Variants in DPP3 observed in about 807,000 individuals in gnomAD.
DPP3 encodes DPP III.
In DPP3, 64 loss-of-function variants were observed where a neutral mutation model predicts 89.8. The ratio of observed to expected loss-of-function variants is 0.71; its 90% CI spans 0.58 to 0.88. The LOEUF is 0.88. DPP3 is among the 40% of genes least tolerant of loss of function. The probability of loss-of-function intolerance (pLI) is 0.00; values close to 1 mark genes in which losing one functional copy is unlikely to be tolerated. For synonymous variants in DPP3, 377 were observed against 404.3 expected, an observed-to-expected ratio of 0.93 and a Z score of 0.81; for missense variants, 835 against 972.5, an observed-to-expected ratio of 0.86 and a Z score of 1.88.
chr11:66,505,936 GTTTTGT>G (rs375980035), intron 17 of DPP3, among the ~76,000 whole-genome samples: 32 of 151,846 alleles, frequency 2.1e-4, no homozygotes, highest in East Asian at 7.7e-4. Context: ...TTTTGGGTTG[GTTTTGT>G]TTTTGTTTTT....
Position 66,492,804 on chromosome 11 carries a change from GCCC to G in DPP3, c.1080_1082del (p.Pro361del). 2 of 1,614,020 alleles carry G rather than the reference GCCC, an allele frequency of 1.2e-6. No individual in the cohort carries two copies. Among genetic ancestry groups the G allele is most frequent in the Non-Finnish European group, 1.7e-6 (2 of 1,179,980 alleles). Reference sequence around the variant, plus strand: ...AGCAGCTGCTGAAGGAGCTGCCCTGGCCCCCAACCTTTGAGAAGGACAAGTTCC... The same window carrying G: ...AGCAGCTGCTGAAGGAGCTGCCCTGGCCAACCTTTGAGAAGGACAAGTTCC... On this transcript the variant is annotated inframe_deletion, in exon 10 of 18. Coordinates refer to ENST00000531863, the MANE Select transcript of DPP3 (RefSeq NM_130443.4).
rs770251614 is a variant in DPP3 at position 66,492,962 on chromosome 11, G to A, written c.1183+52G>A. 5.0e-6 allele frequency: 8 copies of A among 1,596,300 alleles called. No individual in the cohort carries two copies. The South Asian group carries it at 5.6e-5, about 11-fold the overall frequency. On this transcript the variant is annotated intron_variant, in intron 10 of 17. Transcript: ENST00000531863. ...GCCCCAGAAACCTTCCTTTAGAGTC[G>A]CCCCTCCCTGTCCACACACACACCC...
At chr11:66,498,639 G>A (rs762054478) in intron 16 of DPP3, among the ~76,000 whole-genome samples, 4 of 152,212 alleles carry the variant, frequency 2.6e-5, no homozygotes, top group Non-Finnish European at 5.9e-5. Flanking sequence ...AAAAGAAACA[G>A]CCCCAGAGAG....
At position 66,509,345 on chromosome 11, in the gene DPP3, G is replaced by T; in HGVS notation, c.*94G>T. The T allele has an allele frequency of 6.5e-7, 1 of 1,546,946 alleles. No individual in the cohort carries two copies. Among genetic ancestry groups the T allele is most frequent in the Non-Finnish European group, 8.7e-7 (1 of 1,146,988 alleles). ...TATTTAGGGGCTGGGGAGGGGGAGGGGCAGGAGCTTGGACCTTGGTACTAC... is the reference window on the plus strand; with the variant it reads ...TATTTAGGGGCTGGGGAGGGGGAGGTGCAGGAGCTTGGACCTTGGTACTAC... On this transcript the variant is annotated 3_prime_UTR_variant, in exon 18 of 18. Coordinates refer to ENST00000531863, the MANE Select transcript of DPP3 (RefSeq NM_130443.4).
chr11:66,491,497 T>C lies in DPP3; in HGVS notation c.802T>C (p.Tyr268His). The change falls in exon 8 of 18, where the codon TAT (tyrosine) becomes CAT (histidine). Residue 268 changes from tyrosine (Y) to histidine (H), a missense_variant. Transcript: ENST00000531863. The stretch of plus-strand genomic sequence containing the variant: ...GACCGACCCCCGCTCACCTCAGGCC[T>C]ATGCAGCCAACAGCCACCAGGGGCA... ...VVEQLEKAKA[Y>H]AANSHQGQML... 1 of 1,607,744 alleles carries C rather than the reference T, an allele frequency of 6.2e-7. No individual in the cohort carries two copies. The highest frequency in any genetic ancestry group is 8.5e-7 in the Non-Finnish European group (1 of 1,176,324).
At chr11:66,507,810 T>G (rs552886915) in intron 17 of DPP3, among the ~76,000 whole-genome samples, 1 of 151,578 alleles carries the variant, frequency 6.6e-6, no homozygotes, top group African/African-American at 2.4e-5. Context: ...CCCAAAAAGC[T>G]GGGATTAGAG....
At chr11:66,492,523 T>G (rs1590738164) in intron 9 of DPP3, 193 bp from the exon 10 acceptor site, 2 of 580,588 alleles carry the variant, frequency 3.4e-6, no homozygotes, top group South Asian at 2.9e-5. Flanking sequence ...GAGAGACGGG[T>G]TTGTGCAGCT....
chr11:66,488,045 G>A lies in DPP3; in HGVS notation c.667+38G>A, dbSNP rs775997308. The A allele has an allele frequency of 1.3e-5, 21 of 1,589,620 alleles. No individual in the cohort carries two copies. In the Middle Eastern group the frequency reaches 5.0e-4, roughly 38 times the overall value. ...CCAGGCTTCCCTTCTGCTCCCTCCT[G>A]GGCATTTCCGGACCTGGGTGGCTCA... On this transcript the variant is annotated intron_variant, in intron 6 of 17. Coordinates refer to ENST00000531863, the MANE Select transcript of DPP3 (RefSeq NM_130443.4).
rs202225573 is a variant in DPP3 at position 66,504,683 on chromosome 11, G to A, written c.1950G>A (p.Ala650=). ...AGGGGTATGCAACAGTCACTGATGC[G>A]CCCCCCGAGTGCTTCCTCACCCTCA... ...LYEGYATVTD[A]PPECFLTLRD... is the part of the protein sequence containing the mutation. The change falls in exon 17 of 18, where the codon GCG becomes GCA. Residue 650 remains alanine, a synonymous_variant. Coordinates refer to ENST00000531863, the MANE Select transcript of DPP3 (RefSeq NM_130443.4). 7.1e-5 allele frequency: 114 copies of A among 1,612,852 alleles called. No individual in the cohort carries two copies. The highest frequency in any genetic ancestry group is 8.6e-5 in the Non-Finnish European group (102 of 1,179,712).
chr11:66,497,385 G>T lies in DPP3; in HGVS notation c.1786G>T (p.Asp596Tyr), dbSNP rs202011847. The change falls in exon 16 of 18, where the codon GAT (aspartate) becomes TAT (tyrosine). Residue 596 changes from aspartate to tyrosine, a missense_variant. By Grantham distance (160) the Asp-to-Tyr change is radical. Coordinates refer to ENST00000531863, the MANE Select transcript of DPP3 (RefSeq NM_130443.4). Reference sequence around the variant, plus strand: ...TACCATCACTCCCACCACAGGCTCCGATGGGCGCCCAGATGCCCGGGTCCG... The same window carrying T: ...TACCATCACTCCCACCACAGGCTCCTATGGGCGCCCAGATGCCCGGGTCCG... ...LVTITPTTGS[D>Y]GRPDARVRLD... is the part of the protein sequence containing the mutation. 8 of 1,613,892 alleles carry T rather than the reference G, an allele frequency of 5.0e-6. No individual in the cohort carries two copies. The highest frequency in any genetic ancestry group is 6.8e-6 in the Non-Finnish European group (8 of 1,179,984).
chr11:66,497,344 C>G lies in DPP3; in HGVS notation c.1745C>G (p.Ala582Gly). ...GTGATCCTGAGAGTCTTGCTGGAGG[C>G]TGGCGAGGGACTCGTTACCATCACT... ...RFVILRVLLEAGEGLVTITPT... is the reference protein window; with the variant it reads ...RFVILRVLLEGGEGLVTITPT... The change falls in exon 16 of 18, where the codon GCT (alanine) becomes GGT (glycine). Residue 582 changes from alanine to glycine, a missense_variant. By Grantham distance (60) the Ala-to-Gly change is moderately conservative. Transcript: ENST00000531863. 1 of 1,614,018 alleles carries G rather than the reference C, an allele frequency of 6.2e-7. No homozygotes were observed.
At chr11:66,492,656 G>A in intron 9 of DPP3, 60 bp from the exon 10 acceptor site, 1 of 1,518,850 alleles carries the variant, frequency 6.6e-7, no homozygotes, top group Admixed American at 2.2e-5. Context: ...GGCTGGAGTA[G>A]GGTGAAGTGG....
chr11:66,492,705 C>T lies in DPP3; in HGVS notation c.989-11C>T, dbSNP rs903584267. On this transcript the variant is annotated splice_polypyrimidine_tract_variant and intron_variant, in intron 9 of 17. Transcript: ENST00000531863. ...ACCCTGCCAAGCCACAACCCCCTCC[C>T]TCCTCTGCAGGTTTCGTAGCTGTGG... 1 of 1,562,500 alleles carries T rather than the reference C, an allele frequency of 6.4e-7. No individual in the cohort carries two copies. Among genetic ancestry groups the T allele is most frequent in the African/African-American group, 1.4e-5 (1 of 73,436 alleles).
chr11:66,506,725 A>AC (rs1855811740), intron 17 of DPP3, among the ~76,000 whole-genome samples: 1 of 151,934 alleles, frequency 6.6e-6, no homozygotes, highest in Non-Finnish European at 1.5e-5. Flanking sequence ...GTCCACTCCT[A>AC]CAGCCTTTGA....
In DPP3 at chr11:66,508,404, C is replaced by T. The variant is rs144177627; in HGVS notation, c.2042-675C>T. Reference sequence around the variant, plus strand: ...GAGGAGACTGAAGCTTGGGAGGTTGCAACACTTGCCCCAGGTCCCACAGTA... The same window carrying T: ...GAGGAGACTGAAGCTTGGGAGGTTGTAACACTTGCCCCAGGTCCCACAGTA... On this transcript the variant is annotated intron_variant, in intron 17 of 17. Transcript: ENST00000531863. 5.7e-4 allele frequency among the ~76,000 whole-genome samples: 87 copies of T among 152,300 alleles called. 1 individual carries two copies. The highest frequency in any genetic ancestry group is 2.0e-3 in the African/African-American group (85 of 41,562).
intron 15 of DPP3, among the ~76,000 whole-genome samples, chr11:66,496,446 ACT>A (rs1437286239): frequency 5.1e-5 from 7 of 138,352 alleles, no homozygotes; most frequent in African/African-American, 1.9e-4. Flanking sequence ...ACAGAGTCTC[ACT>A]CTGTCACCCA....
intron 12 of DPP3, among the ~76,000 whole-genome samples, chr11:66,493,854 C>T (rs1376431353): frequency 6.6e-6 from 1 of 152,052 alleles, no homozygotes; most frequent in Non-Finnish European, 1.5e-5. Context: ...ATCTGGGGCT[C>T]AGGGATGAGC....
In DPP3 at chr11:66,486,545, G is replaced by A; in HGVS notation, c.366G>A (p.Lys122=). The A allele has an allele frequency of 6.6e-7, 1 of 1,513,800 alleles. No homozygotes were observed. Among genetic ancestry groups the A allele is most frequent in the Non-Finnish European group, 8.8e-7 (1 of 1,130,156 alleles). 93.8% of individuals were successfully genotyped at this position (1,513,800 alleles called of 1,614,324 possible). A position where few individuals can be genotyped will look rare whatever the true frequency, so the allele number is the denominator to read the frequency against. ...TKFVPNLPKE[K]LERVILGSEA... ...TGGCCTCCCTTTCCTTGCAGGAAAA[G>A]CTGGAACGGGTGATCCTAGGGAGTG... Residue 122 remains lysine (K), a synonymous_variant, in exon 4 of 18, where the codon AAG becomes AAA. Coordinates refer to ENST00000531863, the MANE Select transcript of DPP3 (RefSeq NM_130443.4).
At chr11:66,506,051 C>T (rs1320795424) in intron 17 of DPP3, among the ~76,000 whole-genome samples, 2 of 152,022 alleles carry the variant, frequency 1.3e-5, no homozygotes, top group Non-Finnish European at 2.9e-5. Flanking sequence ...TGGGTTCAAG[C>T]GATTCTCCTG....
Sources: gnomAD v4.1 joint callset for allele counts (sites outside exome capture counted in the v4.1 genomes callset) on GRCh38, gnomAD v4.1.1 for gene constraint, MANE v1.5 for transcripts, NCBI Gene and HGNC (gene_info 2026-07-23, HGNC 2026-07-21) for gene names.